The following TET3 variants were observed in gnomAD, a reference collection of about 807,000 sequenced individuals.
The protein encoded by TET3 is tet methylcytosine dioxygenase 3.
In TET3, 19 loss-of-function variants were observed where a neutral mutation model predicts 141.4. The ratio of observed to expected loss-of-function variants is 0.13; its 90% confidence interval spans 0.09 to 0.20. The LOEUF is 0.20. TET3 is among the 10% of genes least tolerant of loss of function. The pLI, the probability that TET3 is intolerant of heterozygous loss-of-function variation, is 1.00. For synonymous variants in TET3, 1,043 were observed against 980.9 expected (o/e 1.06, Z -1.18); for missense variants, 1,874 against 2,356.9 (o/e 0.80, Z 4.24).
chr2:74,118,148 T>C, the TET3 span, among the ~76,000 whole-genome samples: 1 of 152,246 alleles, frequency 6.6e-6, no homozygotes, highest in Non-Finnish European at 1.5e-5. Context: ...CACCAGTAAA[T>C]TGCATACTAT....
chr2:74,109,140 A>G (rs1691642321), downstream of TET3, among the ~76,000 whole-genome samples: 1 of 152,208 alleles, frequency 6.6e-6, no homozygotes, highest in Non-Finnish European at 1.5e-5. Flanking sequence ...AGCGCCTGTC[A>G]TGATGGATCC....
downstream of TET3, among the ~76,000 whole-genome samples, chr2:74,112,846 C>T (rs975255203): frequency 2.0e-5 from 3 of 151,106 alleles, no homozygotes; most frequent in African/African-American, 7.3e-5. Context: ...ACCAAAAATA[C>T]AAAAATTAGC....
chr2:74,115,117 A>C, the TET3 span, among the ~76,000 whole-genome samples: 1,602 of 152,268 alleles, frequency 0.011, 10 homozygotes, highest in Non-Finnish European at 0.015. Flanking sequence ...ATTATATCAT[A>C]CTAAAAGCTT....
intron 3 of TET3, among the ~76,000 whole-genome samples, chr2:74,029,138 C>T (rs979866367): frequency 7.9e-5 from 12 of 152,208 alleles, no homozygotes; most frequent in Non-Finnish European, 1.5e-5. Flanking sequence ...GCTTACTAGA[C>T]ACGTACCTTT....
chr2:74,117,079 A>G, the TET3 span, among the ~76,000 whole-genome samples: 1 of 152,290 alleles, frequency 6.6e-6, no homozygotes, highest in South Asian at 2.1e-4. Flanking sequence ...TGGGAGCAGA[A>G]GAGGTGGTAA....
chr2:74,062,936 T>G (rs1688675969), intron 4 of TET3, among the ~76,000 whole-genome samples: 1 of 141,684 alleles, frequency 7.1e-6, no homozygotes, highest in South Asian at 2.2e-4. Context: ...CAGGCTGGAG[T>G]GCAGTGGCGC....
At chr2:74,066,780 G>A (rs1175792979) in intron 4 of TET3, among the ~76,000 whole-genome samples, 1 of 152,150 alleles carries the variant, frequency 6.6e-6, no homozygotes, top group African/African-American at 2.4e-5. Flanking sequence ...TATTGGGATG[G>A]AGTTGCTAAG....
downstream of TET3, among the ~76,000 whole-genome samples, chr2:74,111,461 A>T (rs1422886358): frequency 6.6e-6 from 1 of 152,230 alleles, no homozygotes; most frequent in Non-Finnish European, 1.5e-5. Flanking sequence ...CTACATCCTC[A>T]GCATTCTCAA....
rs1301358419 is a variant in TET3 at position 74,100,893 on chromosome 2, C to T, written c.4105C>T (p.Leu1369Phe). Residue 1369 changes from leucine (L) to phenylalanine (F), a missense_variant, in exon 12 of 12, where the codon CTT (leucine) becomes TTT (phenylalanine). This residue lies in a region of TET3 where 602 missense variants were observed against 590.2 expected (regional missense o/e 1.02). Transcript: ENST00000409262. The stretch of plus-strand genomic sequence containing the variant: ...GTACCCAGGCCCCAAGGAGTATCTG[C>T]TTCCCAAGGCCCCCCTACTCCACTC... The part of the protein sequence containing the change: ...PAYPGPKEYL[L>F]PKAPLLHSVS... 9.3e-6 allele frequency: 15 copies of T among 1,610,028 alleles called. No individual in the cohort carries two copies. In the Admixed American group the frequency reaches 2.5e-4, roughly 27 times the overall value.
At chr2:74,089,801 G>A in intron 7 of TET3, 96 bp from the exon 8 acceptor site, 1 of 1,502,240 alleles carries the variant, frequency 6.7e-7, no homozygotes, top group Non-Finnish European at 9.1e-7. Context: ...GCTGGTGGGT[G>A]CCAGGGCTCA....
intron 3 of TET3, among the ~76,000 whole-genome samples, chr2:74,033,880 G>A (rs1002652427): frequency 2.0e-5 from 3 of 152,172 alleles, no homozygotes; most frequent in Non-Finnish European, 4.4e-5. Context: ...CGGATCACCT[G>A]AGGTCAGGAA....
chr2:73,990,717 CAG>C (rs996476701), intron 2 of TET3, among the ~76,000 whole-genome samples: 17 of 152,180 alleles, frequency 1.1e-4, no homozygotes, highest in Non-Finnish European at 2.1e-4. Flanking sequence ...CATCTTGAAA[CAG>C]ATCTCTGCCA....
intron 5 of TET3, among the ~76,000 whole-genome samples, chr2:74,076,303 T>C (rs1326939779): frequency 6.6e-6 from 1 of 152,168 alleles, no homozygotes; most frequent in African/African-American, 2.4e-5. Flanking sequence ...TTAAGGACCT[T>C]GCAAATCATG....
chr2:73,997,056 A>G (rs1192925397), intron 2 of TET3, among the ~76,000 whole-genome samples: 1 of 152,216 alleles, frequency 6.6e-6, no homozygotes. Context: ...GTGTTAGTGG[A>G]CAAAATAAGG....
Position 74,093,379 on chromosome 2 carries a change from T to G in TET3, c.3130-150T>G. On this transcript the variant is annotated intron_variant, in intron 9 of 11. Coordinates refer to ENST00000409262, the MANE Select transcript of TET3 (RefSeq NM_001287491.2). The surrounding 1 kb of genome is among the most constrained non-coding windows in gnomAD (Gnocchi z 4.2). ...AAGTAACTTTTTTGTAGCTGGGGCCTCTCAGCCAGAAAACCTCCCTCCTGC... is the reference window on the plus strand; with the variant it reads ...AAGTAACTTTTTTGTAGCTGGGGCCGCTCAGCCAGAAAACCTCCCTCCTGC... The G allele has an allele frequency of 9.1e-7, 1 of 1,103,174 alleles. No homozygotes were observed. Among genetic ancestry groups the G allele is most frequent in the Non-Finnish European group, 1.2e-6 (1 of 806,576 alleles). The allele number at this position is 1,103,174 out of a possible 1,614,324, so 68.3% of individuals were successfully genotyped here. A position where few individuals can be genotyped will look rare whatever the true frequency, so the allele number is the denominator to read the frequency against.
At chr2:74,130,186 CAAAAG>C in the TET3 span, among the ~76,000 whole-genome samples, 1 of 151,824 alleles carries the variant, frequency 6.6e-6, no homozygotes, top group African/African-American at 2.4e-5. Flanking sequence ...AGTCTTATTG[CAAAAG>C]AAAAGAACCC....
intron 4 of TET3, among the ~76,000 whole-genome samples, chr2:74,052,710 A>G (rs1688011399): frequency 6.6e-6 from 1 of 152,080 alleles, no homozygotes; most frequent in South Asian, 2.1e-4. Flanking sequence ...TCTCTACTAA[A>G]AATACAAAAA....
Position 74,101,254 on chromosome 2 carries a change from A to C in TET3, c.4466A>C (p.Gln1489Pro). ...GCCCCTTCCCACTTCACAGATGGCCAGTGGGGGCTGTTCCCCGGTGAGGGG... is the reference window on the plus strand; with the variant it reads ...GCCCCTTCCCACTTCACAGATGGCCCGTGGGGGCTGTTCCCCGGTGAGGGG... Reference protein sequence around the residue: ...CLAPSHFTDGQWGLFPGEGQQ... With the variant: ...CLAPSHFTDGPWGLFPGEGQQ... Residue 1489 changes from glutamine (Q) to proline (P), a missense_variant, in exon 12 of 12, where the codon CAG becomes CCG. Gln to Pro is a moderately conservative substitution (Grantham distance 76). Coordinates refer to ENST00000409262, the MANE Select transcript of TET3 (RefSeq NM_001287491.2). The surrounding 1 kb of genome is among the most constrained non-coding windows in gnomAD (Gnocchi z 8.5). 6.2e-7 allele frequency: 1 copy of C among 1,612,762 alleles called. No homozygotes were observed. Among genetic ancestry groups the C allele is most frequent in the Non-Finnish European group, 8.5e-7 (1 of 1,179,424 alleles).
chr2:74,005,757 C>T (rs1328075223), intron 3 of TET3, among the ~76,000 whole-genome samples: 2 of 152,182 alleles, frequency 1.3e-5, no homozygotes, highest in African/African-American at 4.8e-5. Context: ...CTATGATGTA[C>T]GTATGAGTCC....
Sources: allele counts gnomAD v4.1 joint callset (sites outside exome capture counted in the v4.1 genomes callset), GRCh38; gene constraint gnomAD v4.1.1; regional missense constraint gnomAD v4.1.1; non-coding constraint Gnocchi (gnomAD v3.1); transcripts MANE v1.5; gene names NCBI Gene and HGNC (gene_info 2026-07-23, HGNC 2026-07-21).